The following AGBL4 variants were observed in gnomAD, a reference collection of about 807,000 sequenced individuals.
AGBL4 encodes cytosolic carboxypeptidase 6.
Under a neutral mutation model 66.4 loss-of-function variants are expected in AGBL4, and 58 were observed. The ratio of observed to expected loss-of-function variants is 0.87; its 90% confidence interval spans 0.71 to 1.09. AGBL4 has a LOEUF of 1.09. Ranked by LOEUF, AGBL4 falls within the 50% of genes least tolerant of loss-of-function variation. The pLI is 0.00. For missense variants in AGBL4, 579 were observed against 631.0 expected (o/e 0.92, Z 0.88); for synonymous variants, 234 against 222.9 (o/e 1.05, Z -0.44).
intron 3 of AGBL4, among the ~76,000 whole-genome samples, chr1:49,624,393 GA>G (rs1645427257): frequency 6.6e-6 from 1 of 152,164 alleles, no homozygotes; most frequent in Non-Finnish European, 1.5e-5. Flanking sequence ...CTGCAAGAGA[GA>G]TTTCTAATTG....
intron 3 of AGBL4, among the ~76,000 whole-genome samples, chr1:49,593,917 AG>A (rs1281956380): frequency 6.6e-6 from 1 of 152,180 alleles, no homozygotes; most frequent in Non-Finnish European, 1.5e-5. Context: ...CATTGAAAAA[AG>A]GAATATATAA....
At chr1:49,387,832 G>A (rs1644766419) in intron 3 of AGBL4, among the ~76,000 whole-genome samples, 1 of 151,886 alleles carries the variant, frequency 6.6e-6, no homozygotes, top group African/African-American at 2.4e-5. Context: ...GCTCTAACAG[G>A]TAAGAGTTAC....
At chr1:49,153,562 G>A (rs1277671022) in intron 4 of AGBL4, among the ~76,000 whole-genome samples, 3 of 151,946 alleles carry the variant, frequency 2.0e-5, no homozygotes, top group African/African-American at 7.3e-5. Context: ...AGAGTAAGTA[G>A]CCCTTCCATC....
chr1:48,669,271 C>T (rs1646238880), intron 6 of AGBL4, among the ~76,000 whole-genome samples: 1 of 152,218 alleles, frequency 6.6e-6, no homozygotes, highest in South Asian at 2.1e-4. Context: ...TATATCCCTG[C>T]CACATGGCTT....
At chr1:48,903,652 G>A (rs186022135) in intron 5 of AGBL4, among the ~76,000 whole-genome samples, 22 of 152,278 alleles carry the variant, frequency 1.4e-4, no homozygotes, top group Admixed American at 1.2e-3. Flanking sequence ...CTCACCTAGT[G>A]CCAGAGTTCC....
chr1:49,461,350 AG>A (rs1460595120), intron 3 of AGBL4, among the ~76,000 whole-genome samples: 1 of 151,496 alleles, frequency 6.6e-6, no homozygotes, highest in African/African-American at 2.4e-5. Context: ...CTTGTCTTCA[AG>A]CTTTGAAGTT....
intron 3 of AGBL4, among the ~76,000 whole-genome samples, chr1:49,260,970 G>A (rs1653096860): frequency 6.7e-6 from 1 of 149,336 alleles, no homozygotes; most frequent in Non-Finnish European, 1.5e-5. Flanking sequence ...ATGATCAAGT[G>A]GGCTTCATCC....
At chr1:49,785,892 AAATAT>A (rs1164438221) in intron 2 of AGBL4, among the ~76,000 whole-genome samples, 3 of 90,850 alleles carry the variant, frequency 3.3e-5, no homozygotes, top group African/African-American at 1.0e-4. Context: ...AGGAAAAAAA[AAATAT>A]ATATATATAT....
At chr1:49,636,390 T>G (rs1021946716) in intron 3 of AGBL4, among the ~76,000 whole-genome samples, 2 of 152,308 alleles carry the variant, frequency 1.3e-5, no homozygotes, top group East Asian at 3.9e-4. Context: ...ATCTCATTCA[T>G]GAAGGCTCCA....
intron 1 of AGBL4, among the ~76,000 whole-genome samples, chr1:49,980,990 A>T (rs1659011018): frequency 6.6e-6 from 1 of 152,126 alleles, no homozygotes; most frequent in African/African-American, 2.4e-5. Flanking sequence ...TATTTATGTC[A>T]TTTGCACTTG....
intron 3 of AGBL4, among the ~76,000 whole-genome samples, chr1:49,656,544 G>A (rs964441504): frequency 5.3e-5 from 8 of 151,992 alleles, no homozygotes; most frequent in East Asian, 1.9e-4. Flanking sequence ...CCGGGCAGAG[G>A]CACAACAAAA....
chr1:49,288,739 G>C (rs1644476368), intron 3 of AGBL4, among the ~76,000 whole-genome samples: 1 of 152,200 alleles, frequency 6.6e-6, no homozygotes, highest in African/African-American at 2.4e-5. Flanking sequence ...AATACTGTTT[G>C]AGATGCCAAG....
chr1:48,986,196 A>G (rs1022875872), intron 5 of AGBL4, among the ~76,000 whole-genome samples: 9 of 152,100 alleles, frequency 5.9e-5, no homozygotes, highest in African/African-American at 1.9e-4. Context: ...ATCCTACTAT[A>G]CAATGAATTG....
At chr1:49,657,242 G>T (rs369620441) in intron 3 of AGBL4, among the ~76,000 whole-genome samples, 1 of 152,142 alleles carries the variant, frequency 6.6e-6, no homozygotes, top group East Asian at 1.9e-4. Flanking sequence ...AATCATGAGT[G>T]AACTCCCATT....
At chr1:49,340,144 T>A (rs1421355679) in intron 3 of AGBL4, among the ~76,000 whole-genome samples, 1 of 151,266 alleles carries the variant, frequency 6.6e-6, no homozygotes, top group African/African-American at 2.4e-5. Context: ...CTCCCATATC[T>A]AATTAGTGCG....
chr1:49,922,529 C>A (rs576133718), intron 1 of AGBL4, among the ~76,000 whole-genome samples: 1 of 152,116 alleles, frequency 6.6e-6, no homozygotes, highest in Non-Finnish European at 1.5e-5. Context: ...TGCTTGCAGA[C>A]GACATTATCC....
intron 4 of AGBL4, among the ~76,000 whole-genome samples, chr1:49,067,134 T>C (rs536377671): frequency 1.3e-5 from 2 of 152,144 alleles, no homozygotes; most frequent in South Asian, 2.1e-4. Context: ...AAATTATGCA[T>C]TGGGCAGGAG....
At chr1:49,530,264 AAAAAAAAAC>A (rs1167247577) in intron 3 of AGBL4, among the ~76,000 whole-genome samples, 3 of 141,182 alleles carry the variant, frequency 2.1e-5, no homozygotes, top group African/African-American at 2.7e-5. Context: ...ATTTGTAAAA[AAAAAAAAAC>A]AAAAAAAAAC....
chr1:49,920,925 G>T (rs1013430017), intron 1 of AGBL4, among the ~76,000 whole-genome samples: 23 of 152,290 alleles, frequency 1.5e-4, no homozygotes, highest in Middle Eastern at 6.8e-3. Context: ...AAAGGATGAG[G>T]TCATGTCCTT....
Sources: allele counts gnomAD v4.1 joint callset (sites outside exome capture counted in the v4.1 genomes callset), GRCh38; gene constraint gnomAD v4.1.1; transcripts MANE v1.5; gene names NCBI Gene and HGNC (gene_info 2026-07-23, HGNC 2026-07-21).